Variants in FUT9 observed in about 807,000 individuals in gnomAD.
The protein encoded by FUT9 is 4-galactosyl-N-acetylglucosaminide 3-alpha-L-fucosyltransferase 9.
FUT9 carries 15 observed loss-of-function variants against 29.7 expected under a neutral mutation model. The ratio of observed to expected loss-of-function variants is 0.51; its 90% CI spans 0.34 to 0.78. The LOEUF (loss-of-function observed/expected upper bound fraction) is 0.78. Ranked by LOEUF, FUT9 falls within the 30% of genes least tolerant of loss-of-function variation. The pLI, the probability that FUT9 is intolerant of heterozygous loss-of-function variation, is 0.01. For synonymous variants in FUT9, 169 were observed against 153.7 expected, an observed-to-expected ratio of 1.10 and a Z score of -0.74; for missense variants, 319 against 425.4, an observed-to-expected ratio of 0.75 and a Z score of 2.20.
intron 2 of FUT9, among the ~76,000 whole-genome samples, chr6:96,126,929 C>G (rs1250257407): frequency 1.3e-5 from 2 of 152,108 alleles, no homozygotes. Flanking sequence ...ATCTAAGTGT[C>G]AAGGCTTATC....
At chr6:96,162,920 T>C (rs1219157318) in intron 2 of FUT9, among the ~76,000 whole-genome samples, 1 of 152,194 alleles carries the variant, frequency 6.6e-6, no homozygotes, top group Admixed American at 6.5e-5. Context: ...ATGCCTTTCC[T>C]GTAGGCCAGA....
intron 2 of FUT9, among the ~76,000 whole-genome samples, chr6:96,117,827 C>G (rs559734373): frequency 2.6e-5 from 4 of 152,234 alleles, no homozygotes; most frequent in Admixed American, 2.6e-4. Flanking sequence ...AAAATTCTGG[C>G]AAATTTTATA....
At chr6:96,110,759 A>T (rs1297466088) in intron 1 of FUT9, among the ~76,000 whole-genome samples, 1 of 151,556 alleles carries the variant, frequency 6.6e-6, no homozygotes, top group African/African-American at 2.4e-5. Flanking sequence ...GGGCTCAAGC[A>T]ATCTTCCCAC....
In FUT9 at chr6:96,210,762, T is replaced by C. The variant is rs4840245; in HGVS notation, c.*6527T>C. On this transcript the variant is annotated 3_prime_UTR_variant, in exon 3 of 3. Coordinates refer to ENST00000302103, the MANE Select transcript of FUT9 (RefSeq NM_006581.4). ...ATTCTTGGGTTCCAAAGTCTCCTTG[T>C]CTGATAGGTAATTTGCAATTGAGAT... is the stretch of plus-strand genomic sequence containing the variant. 153,481 of 166,802 alleles carry C rather than the reference T, an allele frequency of 0.92. 72,025 individuals carry two copies. Among genetic ancestry groups the C allele is most frequent in the Non-Finnish European group, 1 (67,871 of 68,000 alleles). 10.3% of individuals were successfully genotyped at this position (166,802 alleles called of 1,614,324 possible). A position where few individuals can be genotyped will look rare whatever the true frequency, so the allele number is the denominator to read the frequency against.
chr6:96,026,411 A>G (rs1296370293), intron 1 of FUT9, among the ~76,000 whole-genome samples: 1 of 151,662 alleles, frequency 6.6e-6, no homozygotes, highest in Non-Finnish European at 1.5e-5. Flanking sequence ...GTAATTTCTG[A>G]CTATAATCTA....
intron 2 of FUT9, among the ~76,000 whole-genome samples, chr6:96,194,081 A>T (rs747017213): frequency 6.6e-6 from 1 of 152,216 alleles, no homozygotes; most frequent in African/African-American, 2.4e-5. Flanking sequence ...GAGGGATAGC[A>T]TTAGGAGATA....
At chr6:96,114,747 T>C (rs1184908643) in intron 2 of FUT9, among the ~76,000 whole-genome samples, 2 of 152,208 alleles carry the variant, frequency 1.3e-5, no homozygotes, top group Admixed American at 6.5e-5. Flanking sequence ...GGTAGAATTC[T>C]GGGATACTGT....
At chr6:96,125,982 G>A (rs1030982363) in intron 2 of FUT9, among the ~76,000 whole-genome samples, 10 of 152,238 alleles carry the variant, frequency 6.6e-5, no homozygotes, top group Middle Eastern at 6.8e-3. Context: ...GCTTTTCAGC[G>A]AGTGAAGGTT....
At chr6:96,077,850 G>T (rs1234427948) in intron 1 of FUT9, among the ~76,000 whole-genome samples, 1 of 152,158 alleles carries the variant, frequency 6.6e-6, no homozygotes, top group Admixed American at 6.5e-5. Context: ...TTGTGGTTAA[G>T]AATATTCCTT....
intron 2 of FUT9, among the ~76,000 whole-genome samples, chr6:96,146,290 C>T (rs1032721622): frequency 2.6e-5 from 4 of 152,178 alleles, no homozygotes; most frequent in Non-Finnish European, 5.9e-5. Context: ...ATATCCTATT[C>T]TATCTACTGG....
intron 1 of FUT9, among the ~76,000 whole-genome samples, chr6:96,054,274 A>G (rs1258383845): frequency 6.6e-6 from 1 of 152,204 alleles, no homozygotes; most frequent in Non-Finnish European, 1.5e-5. Flanking sequence ...ACAAAAATGA[A>G]AGAGATAGAT....
chr6:96,155,286 T>C (rs571014483), intron 2 of FUT9, among the ~76,000 whole-genome samples: 8 of 152,246 alleles, frequency 5.3e-5, no homozygotes, highest in African/African-American at 1.9e-4. Context: ...TCTTGTCTTT[T>C]TGGGAGGGGA....
chr6:96,042,691 C>A (rs913634214), intron 1 of FUT9, among the ~76,000 whole-genome samples: 2 of 152,082 alleles, frequency 1.3e-5, no homozygotes, highest in Non-Finnish European at 2.9e-5. Context: ...AAGCCCCAAA[C>A]CCTCCTTTTT....
chr6:96,085,973 A>G (rs1771309844), intron 1 of FUT9, among the ~76,000 whole-genome samples: 1 of 152,144 alleles, frequency 6.6e-6, no homozygotes, highest in Non-Finnish European at 1.5e-5. Context: ...TGAAAATTGG[A>G]TGTAAAATTA....
intron 2 of FUT9, among the ~76,000 whole-genome samples, chr6:96,196,764 C>T (rs1327712878): frequency 2.6e-5 from 4 of 152,058 alleles, no homozygotes; most frequent in African/African-American, 9.7e-5. Context: ...CAAGACCAGT[C>T]TGTTAAGATT....
intron 2 of FUT9, among the ~76,000 whole-genome samples, chr6:96,161,319 C>G (rs1772897431): frequency 6.6e-6 from 1 of 152,130 alleles, no homozygotes; most frequent in East Asian, 1.9e-4. Context: ...TGAGCCGATA[C>G]AGTTAGAAGA....
chr6:96,059,145 T>C (rs1300437945), intron 1 of FUT9, among the ~76,000 whole-genome samples: 1 of 152,172 alleles, frequency 6.6e-6, no homozygotes, highest in Non-Finnish European at 1.5e-5. Flanking sequence ...TGGAGGATAA[T>C]GTAGGTTGTG....
chr6:96,044,324 T>C (rs1770520959), intron 1 of FUT9, among the ~76,000 whole-genome samples: 1 of 152,226 alleles, frequency 6.6e-6, no homozygotes, highest in Admixed American at 6.5e-5. Flanking sequence ...ATTTAATCAT[T>C]TAACTTTTGT....
rs191263538 is a variant in FUT9 at position 96,037,697 on chromosome 6, T to A, written c.-98+21485T>A. 6.6e-5 allele frequency among the ~76,000 whole-genome samples: 10 copies of A among 152,102 alleles called. No homozygotes were observed. The East Asian group carries it at 1.5e-3, about 24-fold the overall frequency. On this transcript the variant is annotated intron_variant, in intron 1 of 2. Coordinates refer to ENST00000302103, the MANE Select transcript of FUT9 (RefSeq NM_006581.4). ...AGTGTGAAAAAAAAATTTTTTTGAATGTTAAAAAAGAAAAAAAGACCCTTT... is the reference window on the plus strand; with the variant it reads ...AGTGTGAAAAAAAAATTTTTTTGAAAGTTAAAAAAGAAAAAAAGACCCTTT...
Sources: allele counts gnomAD v4.1 joint callset (sites outside exome capture counted in the v4.1 genomes callset), GRCh38; gene constraint gnomAD v4.1.1; transcripts MANE v1.5; gene names NCBI Gene and HGNC (gene_info 2026-07-23, HGNC 2026-07-21).